The following FHDC1 variants were observed in gnomAD, a reference collection of about 807,000 sequenced individuals.
The protein encoded by FHDC1 is FH2 domain-containing protein 1.
FHDC1 carries 25 observed loss-of-function variants against 52.6 expected under a neutral mutation model. The ratio of observed to expected loss-of-function variants is 0.48; its 90% CI spans 0.35 to 0.66. The LOEUF (loss-of-function observed/expected upper bound fraction) is 0.66, where lower values mean the gene tolerates loss of function less well. FHDC1 is among the 30% of genes least tolerant of loss of function. FHDC1 has a pLI of 0.01. For synonymous variants in FHDC1, 616 were observed against 581.5 expected (o/e 1.06, Z -0.85); for missense variants, 1,459 against 1,452.8 (o/e 1.00, Z -0.07).
chr4:152,952,330 G>A (rs1458662292), intron 2 of FHDC1, among the ~76,000 whole-genome samples: 4 of 151,750 alleles, frequency 2.6e-5, no homozygotes, highest in African/African-American at 7.2e-5. Flanking sequence ...CAAATCTCAC[G>A]CGATTCTTGT....
chr4:152,936,473 C>G (rs1016912232), intron 1 of FHDC1, 64 bp downstream of exon 1: 4 of 152,156 alleles, frequency 2.6e-5, no homozygotes, highest in Non-Finnish European at 5.9e-5. Flanking sequence ...GAGCTGGAGC[C>G]CCGCCGCTCG....
In FHDC1 at chr4:152,976,517, G is replaced by A. The variant is rs1740892251; in HGVS notation, c.3226G>A (p.Glu1076Lys). The stretch of plus-strand genomic sequence containing the variant: ...GCAGCTGAGGGTGAAAGGGGACCCC[G>A]AGGATGCCGCTCCCAAGGACAGCAG... ...QRQLRVKGDP[E>K]DAAPKDSSTL... Residue 1076 changes from glutamate to lysine, a missense_variant, in exon 12 of 12, where the codon GAG becomes AAG. Physicochemically the swap from Glu to Lys is moderately conservative, Grantham distance 56. Transcript: ENST00000511601. 2.5e-6 allele frequency: 4 copies of A among 1,613,272 alleles called. 1 individual carries two copies. Among genetic ancestry groups the A allele is most frequent in the East Asian group, 4.5e-5 (2 of 44,862 alleles).
intron 4 of FHDC1, 106 bp from the exon 5 acceptor site, chr4:152,960,458 GC>G: frequency 1.0e-6 from 1 of 958,368 alleles, no homozygotes; most frequent in East Asian, 2.6e-5. Flanking sequence ...TTTGAATTTA[GC>G]ACTAAAATCC....
chr4:152,958,142 C>T (rs370733698), intron 4 of FHDC1, among the ~76,000 whole-genome samples: 35 of 152,256 alleles, frequency 2.3e-4, no homozygotes, highest in African/African-American at 8.4e-4. Flanking sequence ...CATTTCAAGC[C>T]ATGTGACTGG....
chr4:152,965,687 C>T (rs1477819957), intron 9 of FHDC1, among the ~76,000 whole-genome samples: 1 of 152,168 alleles, frequency 6.6e-6, no homozygotes, highest in Non-Finnish European at 1.5e-5. Flanking sequence ...TTGCTGATTT[C>T]CGTGTTGTAA....
chr4:152,950,922 A>T (rs1739907011), intron 2 of FHDC1, among the ~76,000 whole-genome samples: 1 of 152,224 alleles, frequency 6.6e-6, no homozygotes, highest in Admixed American at 6.5e-5. Context: ...TTATAAAATG[A>T]TGTCTATGAG....
Position 152,972,560 on chromosome 4 carries a change from G to A in FHDC1, c.1383+19G>A, listed in dbSNP as rs1293062979. 6.3e-7 allele frequency: 1 copy of A among 1,586,684 alleles called. No homozygotes were observed. The highest frequency in any genetic ancestry group is 8.5e-7 in the Non-Finnish European group (1 of 1,170,644). ...AGTTAAGGTACATCTGGCAGCATCT[G>A]TGTCTTGGGGTTGTTTGGATTTTTA... On this transcript the variant is annotated intron_variant, in intron 11 of 11. Transcript: ENST00000511601.
Position 152,976,849 on chromosome 4 carries a change from A to T in FHDC1, c.*126A>T. 1.6e-6 allele frequency: 2 copies of T among 1,276,278 alleles called. No homozygotes were observed. The highest frequency in any genetic ancestry group is 5.5e-4 in the Middle Eastern group (2 of 3,640). The allele number at this position is 1,276,278 out of a possible 1,614,324, so 79.1% of individuals were successfully genotyped here. The stretch of plus-strand genomic sequence containing the variant: ...GCAGCCACTGGTGCCACTGCTAGTG[A>T]CGCTGTTGGGATGGCACAGTCCAGG... On this transcript the variant is annotated 3_prime_UTR_variant, in exon 12 of 12. Coordinates refer to ENST00000511601, the MANE Select transcript of FHDC1 (RefSeq NM_001371116.1).
chr4:152,937,153 T>A (rs1017738046), intron 1 of FHDC1, among the ~76,000 whole-genome samples: 15 of 152,096 alleles, frequency 9.9e-5, no homozygotes, highest in Admixed American at 3.3e-4. Context: ...TCCCCTCTGT[T>A]TTTCTCAGCG....
the FHDC1 span, among the ~76,000 whole-genome samples, chr4:152,920,617 C>T: frequency 5.3e-4 from 81 of 152,042 alleles, no homozygotes; most frequent in Non-Finnish European, 1.1e-3. Context: ...CAGGCCACAA[C>T]AAACAGTTGG....
At chr4:152,960,872 AT>A (rs1740260076) in intron 6 of FHDC1, 28 bp downstream of exon 6, 1 of 1,501,774 alleles carries the variant, frequency 6.7e-7, no homozygotes, top group African/African-American at 1.4e-5. Context: ...CCTTCGCAGA[AT>A]TTGTTTTTAT....
chr4:152,946,115 C>T (rs769594087), intron 2 of FHDC1, among the ~76,000 whole-genome samples: 1 of 152,178 alleles, frequency 6.6e-6, no homozygotes, highest in Non-Finnish European at 1.5e-5. Context: ...ATTTGTTTAT[C>T]CGCTCATCTG....
Position 152,943,131 on chromosome 4 carries a change from T to C in FHDC1, c.74T>C (p.Met25Thr), listed in dbSNP as rs1326402283. ...AATATTGCCACAGCACCTGGATTCA[T>C]GATTGGGCAGACACCTCCTCCAGCA... Reference protein sequence around the residue: ...NGNIATAPGFMIGQTPPPAPP... With the variant: ...NGNIATAPGFTIGQTPPPAPP... Residue 25 changes from methionine to threonine, a missense_variant, in exon 2 of 12, where the codon ATG (methionine) becomes ACG (threonine). Physicochemically the swap from Met to Thr is moderately conservative, Grantham distance 81 (BLOSUM62 -1). Coordinates refer to ENST00000511601, the MANE Select transcript of FHDC1 (RefSeq NM_001371116.1). The C allele has an allele frequency of 6.2e-7, 1 of 1,614,144 alleles. No homozygotes were observed. Among genetic ancestry groups the C allele is most frequent in the Non-Finnish European group, 8.5e-7 (1 of 1,180,016 alleles).
Position 152,974,787 on chromosome 4 carries a change from G to A in FHDC1, c.1496G>A (p.Ser499Asn), listed in dbSNP as rs530908582. ...GAGCTGGGGGCATTTGGCCGGAGCA[G>A]CAGTGAGAATGATGTGGAGCTGCTG... Reference protein sequence around the residue: ...TGELGAFGRSSSENDVELLTK... With the variant: ...TGELGAFGRSNSENDVELLTK... Residue 499 changes from serine (S) to asparagine (N), a missense_variant, in exon 12 of 12, where the codon AGC becomes AAC. Ser to Asn is a conservative substitution (Grantham distance 46). Around this residue, in one of 3 missense-constraint regions of FHDC1, gnomAD observed 7 missense variants for 16.8 expected, o/e 0.42. Coordinates refer to ENST00000511601, the MANE Select transcript of FHDC1 (RefSeq NM_001371116.1). 6.4e-7 allele frequency: 1 copy of A among 1,554,786 alleles called. No homozygotes were observed. The highest frequency in any genetic ancestry group is 8.7e-7 in the Non-Finnish European group (1 of 1,147,074).
chr4:152,912,508 T>A, the FHDC1 span, among the ~76,000 whole-genome samples: 1 of 152,224 alleles, frequency 6.6e-6, no homozygotes, highest in Non-Finnish European at 1.5e-5. Flanking sequence ...CAAAAGTATA[T>A]ACATACTTCT....
chr4:152,958,846 A>G (rs2149950008), intron 4 of FHDC1, among the ~76,000 whole-genome samples: 1 of 152,342 alleles, frequency 6.6e-6, no homozygotes, highest in East Asian at 1.9e-4. Flanking sequence ...AAAATGGTCA[A>G]TTCACTTTGA....
chr4:152,964,507 T>C (rs1740400431), intron 8 of FHDC1, among the ~76,000 whole-genome samples: 1 of 144,936 alleles, frequency 6.9e-6, no homozygotes, highest in Non-Finnish European at 1.6e-5. Flanking sequence ...AACACTGCCA[T>C]GGCTCCTGTA....
chr4:152,922,047 C>T, the FHDC1 span, among the ~76,000 whole-genome samples: 5 of 152,190 alleles, frequency 3.3e-5, no homozygotes, highest in South Asian at 1.0e-3. Context: ...AAAAACCCTT[C>T]AAAAAATTAG....
At chr4:152,973,117 C>T (rs1740692883) in intron 11 of FHDC1, among the ~76,000 whole-genome samples, 1 of 152,218 alleles carries the variant, frequency 6.6e-6, no homozygotes, top group South Asian at 2.1e-4. Context: ...GCCCTTCAAC[C>T]ACCAATTCCA....
Sources: gnomAD v4.1 joint callset for allele counts (sites outside exome capture counted in the v4.1 genomes callset) on GRCh38, gnomAD v4.1.1 for gene constraint, gnomAD v4.1.1 regional missense constraint, MANE v1.5 for transcripts, NCBI Gene and HGNC (gene_info 2026-07-23, HGNC 2026-07-21) for gene names.